The following L3MBTL3 variants were observed in gnomAD, a reference collection of about 807,000 sequenced individuals.
L3MBTL3 encodes the protein L3MBTL histone methyl-lysine binding protein 3.
L3MBTL3 carries 27 observed loss-of-function variants against 102.3 expected under a neutral mutation model. That is an observed-to-expected ratio of 0.26 (90% CI 0.19 to 0.36). The LOEUF is 0.36. L3MBTL3 is among the 10% of genes least tolerant of loss of function. L3MBTL3 has a pLI of 1.00. For missense variants in L3MBTL3, 798 were observed against 955.3 expected, an observed-to-expected ratio of 0.84 and a Z score of 2.17; for synonymous variants, 340 against 320.9, an observed-to-expected ratio of 1.06 and a Z score of -0.64.
chr6:130,030,168 T>A (rs57844651), intron 2 of L3MBTL3, among the ~76,000 whole-genome samples: 2 of 151,986 alleles, frequency 1.3e-5, no homozygotes, highest in South Asian at 4.2e-4. Context: ...CGCTTGTCTT[T>A]TCTTTAGAAT....
intron 15 of L3MBTL3, among the ~76,000 whole-genome samples, chr6:130,085,028 C>G (rs1783593944): frequency 6.6e-6 from 1 of 152,056 alleles, no homozygotes; most frequent in African/African-American, 2.4e-5. Context: ...AGAGGTTTTG[C>G]TCTGTTGCCT....
rs146750598 is a variant in L3MBTL3 at position 130,061,082 on chromosome 6, C to CT, written c.864+962dup. Reference sequence around the variant, plus strand: ...TCCAAGTACTTTTCATCTGTTAGCTCTTTTTTTTTTTTTTTTTTTTGAGAT... The same window carrying CT: ...TCCAAGTACTTTTCATCTGTTAGCTCTTTTTTTTTTTTTTTTTTTTTGAGAT... On this transcript the variant is annotated intron_variant, in intron 10 of 22. Coordinates refer to ENST00000361794, the MANE Select transcript of L3MBTL3 (RefSeq NM_032438.4). 7.8e-3 allele frequency among the ~76,000 whole-genome samples: 887 copies of CT among 114,138 alleles called. 12 individuals are homozygous for CT. The highest frequency in any genetic ancestry group is 0.019 in the African/African-American group (638 of 33,248). 74.9% of individuals were successfully genotyped at this position (114,138 alleles called of 152,430 possible).
chr6:130,100,963 G>C (rs116122173), intron 18 of L3MBTL3, among the ~76,000 whole-genome samples: 216 of 152,268 alleles, frequency 1.4e-3, no homozygotes, highest in African/African-American at 5.1e-3. Flanking sequence ...TATATATACA[G>C]TTATTTAATA....
chr6:130,057,285 C>A, intron 8 of L3MBTL3, 121 bp from the exon 9 acceptor site: 1 of 754,708 alleles, frequency 1.3e-6, no homozygotes. Context: ...ACAGAGATAC[C>A]AGTCCTGGAA....
intron 13 of L3MBTL3, among the ~76,000 whole-genome samples, chr6:130,072,559 C>T (rs1782705399): frequency 6.6e-6 from 1 of 152,100 alleles, no homozygotes; most frequent in Non-Finnish European, 1.5e-5. Flanking sequence ...CATTGAAATA[C>T]AGTCAATTTC....
At chr6:130,108,320 C>T (rs551404898) in intron 19 of L3MBTL3, among the ~76,000 whole-genome samples, 16 of 149,294 alleles carry the variant, frequency 1.1e-4, no homozygotes, top group South Asian at 1.1e-3. Context: ...CTGCAACCTC[C>T]GCCTCCCAGG....
intron 19 of L3MBTL3, among the ~76,000 whole-genome samples, chr6:130,111,476 G>A (rs1270465896): frequency 1.3e-5 from 2 of 152,198 alleles, no homozygotes; most frequent in African/African-American, 4.8e-5. Flanking sequence ...TCAGGCTGGT[G>A]TGTGCTGAAG....
At chr6:130,126,862 G>A (rs1225611750) in intron 20 of L3MBTL3, among the ~76,000 whole-genome samples, 1 of 152,188 alleles carries the variant, frequency 6.6e-6, no homozygotes, top group East Asian at 1.9e-4. Flanking sequence ...AAACGTGGGA[G>A]TCCTGCAAAT....
At position 130,055,163 on chromosome 6, in the gene L3MBTL3, T is replaced by G; in HGVS notation, c.583-8T>G. On this transcript the variant is annotated splice_polypyrimidine_tract_variant and splice_region_variant and intron_variant, in intron 7 of 22. Transcript: ENST00000361794. ...CTTTAAAGTCATAATTTTCCTTTCT[T>G]TTTGTAGGAGAACAAACAAGATGTA... 6.2e-7 allele frequency: 1 copy of G among 1,611,802 alleles called. No homozygotes were observed.
chr6:130,139,543 C>CTA, intron 22 of L3MBTL3, 67 bp from the exon 23 acceptor site: 1 of 1,455,414 alleles, frequency 6.9e-7, no homozygotes, highest in Non-Finnish European at 9.6e-7. Flanking sequence ...GTAATTTAAC[C>CTA]TTGAATATTT....
At chr6:130,138,265 G>C (rs1932101) in intron 22 of L3MBTL3, 108,873 of 152,108 alleles carry the variant, frequency 0.72, 39,434 homozygotes, top group East Asian at 0.84. Flanking sequence ...AACCACAAAC[G>C]GGTGGCTTAA....
chr6:130,071,215 C>T, intron 13 of L3MBTL3, 88 bp downstream of exon 13: 3 of 1,158,244 alleles, frequency 2.6e-6, no homozygotes, highest in African/African-American at 1.6e-5. Flanking sequence ...ACGCTTATAA[C>T]AAAAAAAAGC....
Position 130,055,167 on chromosome 6 carries a change from G to C in L3MBTL3, c.583-4G>C. 2 of 1,612,130 alleles carry C rather than the reference G, an allele frequency of 1.2e-6. No individual in the cohort carries two copies. Among genetic ancestry groups the C allele is most frequent in the South Asian group, 2.2e-5 (2 of 91,012 alleles). ...AAAGTCATAATTTTCCTTTCTTTTT[G>C]TAGGAGAACAAACAAGATGTAAGAA... On this transcript the variant is annotated splice_polypyrimidine_tract_variant and splice_region_variant and intron_variant, in intron 7 of 22. Coordinates refer to ENST00000361794, the MANE Select transcript of L3MBTL3 (RefSeq NM_032438.4).
At position 130,066,286 on chromosome 6, in the gene L3MBTL3, G is replaced by GTATATA. The variant is rs148263906; in HGVS notation, c.865-55_865-50dup. ...GCCTGGTGTCCATGTTTATTTTTGT[G>GTATATA]TATATATATATATATATGAATATTC... On this transcript the variant is annotated intron_variant, in intron 10 of 22. Transcript: ENST00000361794. 3,743 of 387,354 alleles carry GTATATA rather than the reference G, an allele frequency of 9.7e-3. 45 individuals carry two copies. Among genetic ancestry groups the GTATATA allele is most frequent in the Middle Eastern group, 0.048 (48 of 1,006 alleles). The allele number at this position is 387,354 out of a possible 1,614,324, so 24.0% of individuals were successfully genotyped here. A position where few individuals can be genotyped will look rare whatever the true frequency, so the allele number is the denominator to read the frequency against.
In L3MBTL3 at chr6:130,084,434, T is replaced by C. The variant is rs184376420; in HGVS notation, c.1407+729T>C. Among the ~76,000 whole-genome samples, 76 of 152,290 alleles carry C rather than the reference T, an allele frequency of 5.0e-4. 1 individual carries two copies. The highest frequency in any genetic ancestry group is 1.8e-3 in the African/African-American group (74 of 41,580). ...TTAAGACATCCTTTTATGTATAAAT[T>C]GCTAGGATTTTTAATGTTAGAATTA... On this transcript the variant is annotated intron_variant, in intron 15 of 22. Transcript: ENST00000361794.
At chr6:130,094,098 A>C (rs921016098) in intron 17 of L3MBTL3, among the ~76,000 whole-genome samples, 167 bp from the exon 18 acceptor site, 2 of 152,202 alleles carry the variant, frequency 1.3e-5, no homozygotes, top group African/African-American at 4.8e-5. Flanking sequence ...CGTCTTTTAA[A>C]ATATTTTTCA....
At chr6:130,068,274 C>A in intron 11 of L3MBTL3, 56 bp from the exon 12 acceptor site, 1 of 900,096 alleles carries the variant, frequency 1.1e-6, no homozygotes, top group South Asian at 1.7e-5. Flanking sequence ...GACTGGAAAA[C>A]TAAGTGTAAA....
chr6:130,078,443 T>G (rs920535547), intron 13 of L3MBTL3, 115 bp from the exon 14 acceptor site: 61 of 639,482 alleles, frequency 9.5e-5, no homozygotes, highest in Non-Finnish European at 1.4e-4. Flanking sequence ...TTAGATTGAT[T>G]GTAATAAATA....
intron 1 of L3MBTL3, among the ~76,000 whole-genome samples, chr6:130,018,926 GGA>G (rs1778736156): frequency 1.3e-5 from 2 of 152,122 alleles, no homozygotes; most frequent in South Asian, 2.1e-4. Flanking sequence ...GGCTGGAGGG[GGA>G]GTCTCTGGGC....
Sources: gnomAD v4.1 joint callset for allele counts (sites outside exome capture counted in the v4.1 genomes callset) on GRCh38, gnomAD v4.1.1 for gene constraint, MANE v1.5 for transcripts, NCBI Gene and HGNC (gene_info 2026-07-23, HGNC 2026-07-21) for gene names.